The following ADGRB1 variants were observed in gnomAD, a reference collection of about 807,000 sequenced individuals.
ADGRB1 encodes the protein brain-specific angiogenesis inhibitor 1.
In ADGRB1, 36 loss-of-function variants were observed where a neutral mutation model predicts 175.7. The ratio of observed to expected loss-of-function variants is 0.20; its 90% CI spans 0.16 to 0.27. The LOEUF is 0.27. Ranked by LOEUF, ADGRB1 falls within the 10% of genes least tolerant of loss-of-function variation. The pLI, the probability that ADGRB1 is intolerant of heterozygous loss-of-function variation, is 1.00. For missense variants in ADGRB1, 1,731 were observed against 2,255.3 expected (o/e 0.77, Z 4.71); for synonymous variants, 1,054 against 979.4 (o/e 1.08, Z -1.42).
At chr8:142,539,725 G>A in intron 27 of ADGRB1, 1 of 526,150 alleles carries the variant, frequency 1.9e-6, no homozygotes, top group South Asian at 2.3e-5. Context: ...CTGCCCACCT[G>A]ACATCTCTTC....
At chr8:142,501,454 C>T (rs868617245) in intron 17 of ADGRB1, among the ~76,000 whole-genome samples, 17 of 11,500 alleles carry the variant, frequency 1.5e-3, no homozygotes, top group African/African-American at 2.9e-3. Flanking sequence ...GTGGTTTTGA[C>T]GATGGAGGTG....
At chr8:142,515,162 A>AG (rs982947936) in intron 18 of ADGRB1, among the ~76,000 whole-genome samples, 9 of 151,990 alleles carry the variant, frequency 5.9e-5, no homozygotes, top group Middle Eastern at 3.4e-3. Flanking sequence ...CTGTGCTGGG[A>AG]GGAGAGCCCG....
At chr8:142,490,695 G>A (rs1485221004) in intron 16 of ADGRB1, 77 bp from the exon 17 acceptor site, 3 of 1,474,070 alleles carry the variant, frequency 2.0e-6, no homozygotes, top group East Asian at 2.5e-5. Context: ...ACACCTTTAG[G>A]TGGGTCCCAT....
Position 142,481,339 on chromosome 8 carries a change from C to T in ADGRB1, c.1914C>T (p.Asp638=). The change falls in exon 10 of 31, where the codon GAC becomes GAT. Residue 638 remains aspartate (D), a synonymous_variant. Transcript: ENST00000517894. ...PPTYIRCVSI[D]YRNIQMMTRE... ...CCTACATCCGCTGTGTTTCCATTGA[C>T]TACAGAAACATCCAGATGATGGTGA... 1.2e-6 allele frequency: 2 copies of T among 1,613,838 alleles called. No homozygotes were observed. The highest frequency in any genetic ancestry group is 1.7e-6 in the Non-Finnish European group (2 of 1,179,864).
intron 3 of ADGRB1, 64 bp downstream of exon 3, chr8:142,475,699 A>G (rs1432837873): frequency 0.012 from 3,556 of 293,352 alleles, 9 homozygotes; most frequent in Non-Finnish European, 0.015. Flanking sequence ...GAGGGAGGAG[A>G]GGGGGGTGGG....
At chr8:142,463,736 C>T (rs953523821) in intron 1 of ADGRB1, among the ~76,000 whole-genome samples, 6 of 152,232 alleles carry the variant, frequency 3.9e-5, no homozygotes, top group African/African-American at 9.6e-5. Context: ...TGGGTGGAGG[C>T]GGAGGTACTT....
Position 142,537,740 on chromosome 8 carries a change from C to T in ADGRB1, c.3666+658C>T, listed in dbSNP as rs573478607. Among the ~76,000 whole-genome samples the T allele has an allele frequency of 3.9e-5, 6 of 152,262 alleles. No homozygotes were observed. The highest frequency in any genetic ancestry group is 4.8e-5 in the African/African-American group (2 of 41,550). Reference sequence around the variant, plus strand: ...TCCTCTTTACAGCACAGCGTTCCCACGACACGCACAGGTCCTGGGAGGGCG... The same window carrying T: ...TCCTCTTTACAGCACAGCGTTCCCATGACACGCACAGGTCCTGGGAGGGCG... On this transcript the variant is annotated intron_variant, in intron 26 of 30. Coordinates refer to ENST00000517894, the MANE Select transcript of ADGRB1 (RefSeq NM_001702.3). This position sits in a 1 kb window ranked among gnomAD's most constrained non-coding sequence, Gnocchi z 4.6.
intron 1 of ADGRB1, among the ~76,000 whole-genome samples, chr8:142,461,806 G>A (rs1278286327): frequency 6.6e-6 from 1 of 152,186 alleles, no homozygotes; most frequent in Non-Finnish European, 1.5e-5. Flanking sequence ...TGCACTTGGA[G>A]GGGCATATGG....
chr8:142,465,442 A>C (rs1840223139), intron 2 of ADGRB1, among the ~76,000 whole-genome samples: 1 of 151,610 alleles, frequency 6.6e-6, no homozygotes, highest in Non-Finnish European at 1.5e-5. Flanking sequence ...GGGCTGGATG[A>C]TGGTCCTGGG....
chr8:142,490,373 G>A (rs549942909), intron 16 of ADGRB1, among the ~76,000 whole-genome samples: 1 of 152,214 alleles, frequency 6.6e-6, no homozygotes. Context: ...ATGCTAGCAG[G>A]ACGTCAGAGC....
intron 1 of ADGRB1, among the ~76,000 whole-genome samples, chr8:142,463,315 T>TG (rs914123396): frequency 1.1e-4 from 16 of 152,022 alleles, no homozygotes; most frequent in Admixed American, 6.6e-4. Context: ...AGGGCAGTCT[T>TG]GGGGGGGCAC....
chr8:142,525,333 G>T (rs1483005035), intron 23 of ADGRB1, among the ~76,000 whole-genome samples: 1 of 151,324 alleles, frequency 6.6e-6, no homozygotes. Flanking sequence ...GATGGAGGTT[G>T]TGGGAAAGGG....
chr8:142,487,323 G>T (rs1202493086), intron 13 of ADGRB1, among the ~76,000 whole-genome samples: 1 of 152,046 alleles, frequency 6.6e-6, no homozygotes, highest in Non-Finnish European at 1.5e-5. Flanking sequence ...CCTTGCCCCT[G>T]CAGGCCACCT....
chr8:142,478,650 G>A (rs955588738), intron 7 of ADGRB1, among the ~76,000 whole-genome samples: 5 of 150,262 alleles, frequency 3.3e-5, no homozygotes, highest in Non-Finnish European at 5.9e-5. Context: ...TGTCCATGGG[G>A]AAGTGGAGGG....
At chr8:142,487,487 C>T (rs373860289) in intron 13 of ADGRB1, among the ~76,000 whole-genome samples, 3 of 152,200 alleles carry the variant, frequency 2.0e-5, no homozygotes, top group Non-Finnish European at 2.9e-5. Flanking sequence ...CTCGGGCATC[C>T]GTGCCGCCCA....
At chr8:142,534,436 G>A (rs1306089135) in intron 25 of ADGRB1, among the ~76,000 whole-genome samples, 1 of 152,224 alleles carries the variant, frequency 6.6e-6, no homozygotes, top group Admixed American at 6.5e-5. Context: ...AGATGGGGAT[G>A]CCGCCTGGAA....
intron 24 of ADGRB1, among the ~76,000 whole-genome samples, chr8:142,530,377 C>T (rs1404167746): frequency 6.6e-6 from 1 of 152,090 alleles, no homozygotes; most frequent in Non-Finnish European, 1.5e-5. Context: ...GGTATGGGCT[C>T]AGGTGGGTGG....
intron 9 of ADGRB1, among the ~76,000 whole-genome samples, chr8:142,480,470 C>T (rs1285576256): frequency 6.6e-6 from 1 of 152,074 alleles, no homozygotes; most frequent in Non-Finnish European, 1.5e-5. Flanking sequence ...GCTGCGGCTG[C>T]TGCTCCTCCC....
chr8:142,454,689 T>C (rs1000880023), intron 1 of ADGRB1, among the ~76,000 whole-genome samples: 1 of 152,076 alleles, frequency 6.6e-6, no homozygotes, highest in African/African-American at 2.4e-5. Context: ...TGTGCTCCAC[T>C]CCTCGGGGTT....
Sources: allele counts gnomAD v4.1 joint callset (sites outside exome capture counted in the v4.1 genomes callset), GRCh38; gene constraint gnomAD v4.1.1; non-coding constraint Gnocchi (gnomAD v3.1); transcripts MANE v1.5; gene names NCBI Gene and HGNC (gene_info 2026-07-23, HGNC 2026-07-21).